The following CDK19 variants were observed in gnomAD, a reference collection of about 807,000 sequenced individuals.
CDK19 encodes the protein cyclin-dependent kinase 19.
A neutral mutation model predicts 68.3 loss-of-function variants in CDK19; 20 were observed. The observed-to-expected ratio is 0.29, with a 90% CI of 0.21 to 0.43. The LOEUF is 0.43. Among genes scored for constraint, CDK19 ranks in the 20% least tolerant of loss-of-function variants. The probability of loss-of-function intolerance (pLI) is 1.00; values close to 1 mark genes in which losing one functional copy is unlikely to be tolerated. For missense variants in CDK19, 339 were observed against 623.5 expected, an observed-to-expected ratio of 0.54 and a Z score of 4.86; for synonymous variants, 221 against 222.8, an observed-to-expected ratio of 0.99 and a Z score of 0.07.
At chr6:110,659,317 T>C (rs2114341452) in intron 4 of CDK19, among the ~76,000 whole-genome samples, 1 of 152,348 alleles carries the variant, frequency 6.6e-6, no homozygotes, top group South Asian at 2.1e-4. Context: ...GCATTTTTCT[T>C]ACAGCTGAGT....
chr6:110,788,359 T>G (rs1225409025), intron 1 of CDK19, among the ~76,000 whole-genome samples: 1 of 152,052 alleles, frequency 6.6e-6, no homozygotes, highest in Non-Finnish European at 1.5e-5. Flanking sequence ...GGTCCCATTA[T>G]GTTGCCTAGG....
At chr6:110,755,708 ATAGTTTTG>A (rs1182475449) in intron 1 of CDK19, among the ~76,000 whole-genome samples, 1 of 152,248 alleles carries the variant, frequency 6.6e-6, no homozygotes, top group Non-Finnish European at 1.5e-5. Context: ...CAGAATCAGC[ATAGTTTTG>A]TATGGTATGC....
intron 1 of CDK19, among the ~76,000 whole-genome samples, chr6:110,780,028 G>T (rs1780682193): frequency 6.6e-6 from 1 of 152,034 alleles, no homozygotes; most frequent in Admixed American, 6.6e-5. Context: ...GACCATCCTG[G>T]CCAACATGGC....
intron 1 of CDK19, among the ~76,000 whole-genome samples, chr6:110,809,737 T>C (rs1309789316): frequency 6.6e-6 from 1 of 152,238 alleles, no homozygotes; most frequent in Non-Finnish European, 1.5e-5. Flanking sequence ...CAGTGGAGCA[T>C]CTTTACCAAT....
intron 2 of CDK19, among the ~76,000 whole-genome samples, chr6:110,704,236 G>A (rs998845587): frequency 6.6e-6 from 1 of 152,202 alleles, no homozygotes; most frequent in Non-Finnish European, 1.5e-5. Flanking sequence ...TAAAGGACTA[G>A]TGGAGTATGA....
intron 1 of CDK19, among the ~76,000 whole-genome samples, chr6:110,757,981 A>G (rs1778946412): frequency 6.6e-6 from 1 of 152,130 alleles, no homozygotes; most frequent in Non-Finnish European, 1.5e-5. Flanking sequence ...GCTTGAGGCC[A>G]GGAGTTTTGA....
At chr6:110,722,988 A>G (rs1334897726) in intron 2 of CDK19, among the ~76,000 whole-genome samples, 2 of 152,160 alleles carry the variant, frequency 1.3e-5, no homozygotes, top group Non-Finnish European at 2.9e-5. Flanking sequence ...GATGGTCACA[A>G]CAGTATCTTT....
intron 1 of CDK19, chr6:110,814,698 A>G (rs1478815243): frequency 1.7e-6 from 1 of 571,464 alleles, no homozygotes; most frequent in South Asian, 1.5e-5. Flanking sequence ...TAGACCCCAC[A>G]AACTCCTCCT....
At chr6:110,734,738 G>C (rs959067234) in intron 2 of CDK19, among the ~76,000 whole-genome samples, 3 of 151,946 alleles carry the variant, frequency 2.0e-5, no homozygotes, top group Admixed American at 2.0e-4. Flanking sequence ...GCTTAACTTT[G>C]TCACAGTCTT....
chr6:110,695,726 C>T (rs1773419924), intron 2 of CDK19, among the ~76,000 whole-genome samples: 1 of 151,922 alleles, frequency 6.6e-6, no homozygotes, highest in South Asian at 2.1e-4. Context: ...CCTTTATGCG[C>T]ACAAAGTAGA....
At chr6:110,753,967 T>C (rs1778661310) in intron 1 of CDK19, among the ~76,000 whole-genome samples, 1 of 152,152 alleles carries the variant, frequency 6.6e-6, no homozygotes, top group African/African-American at 2.4e-5. Context: ...CAATGTTGCA[T>C]TGGTAAATAT....
At chr6:110,640,889 C>T (rs976255373) in intron 4 of CDK19, among the ~76,000 whole-genome samples, 5 of 151,926 alleles carry the variant, frequency 3.3e-5, no homozygotes, top group African/African-American at 9.7e-5. Flanking sequence ...CCCAGGAGGT[C>T]GAGGCTAGAG....
At chr6:110,796,632 T>C (rs1781956203) in intron 1 of CDK19, among the ~76,000 whole-genome samples, 2 of 150,860 alleles carry the variant, frequency 1.3e-5, no homozygotes, top group South Asian at 2.1e-4. Context: ...CTGAGCAATA[T>C]AGTGAGACCA....
intron 2 of CDK19, chr6:110,700,800 G>T: frequency 5.1e-6 from 1 of 197,422 alleles, no homozygotes; most frequent in South Asian, 1.0e-4. Flanking sequence ...ATCCAAAAGT[G>T]ACTCACTGAC....
intron 2 of CDK19, among the ~76,000 whole-genome samples, chr6:110,737,304 AAGTG>A (rs1335885451): frequency 6.6e-6 from 1 of 152,206 alleles, no homozygotes; most frequent in Non-Finnish European, 1.5e-5. Flanking sequence ...CTTCTCACAA[AAGTG>A]AGTAACACAA....
rs539091724 is a variant in CDK19 at position 110,776,146 on chromosome 6, T to C, written c.129-29945A>G. Among the ~76,000 whole-genome samples the C allele has an allele frequency of 6.6e-5, 10 of 152,122 alleles. No individual in the cohort carries two copies. In the South Asian group the frequency reaches 1.0e-3, roughly 16 times the overall value. On this transcript the variant is annotated intron_variant, in intron 1 of 12. Coordinates refer to ENST00000368911, the MANE Select transcript of CDK19 (RefSeq NM_015076.5). ...GCTGTTAACTAAGAACCAGAGAAAA[T>C]AGCCAGGCGCAGTGGCTCATGCCTG...
intron 1 of CDK19, among the ~76,000 whole-genome samples, chr6:110,806,993 TAAATAA>T (rs773397028): frequency 1.2e-3 from 178 of 145,788 alleles, no homozygotes; most frequent in Non-Finnish European, 1.8e-3. Flanking sequence ...ATAAATTAAA[TAAATAA>T]AAATAAAAAT....
intron 1 of CDK19, among the ~76,000 whole-genome samples, chr6:110,753,395 T>C (rs1342752948): frequency 6.6e-6 from 1 of 151,986 alleles, no homozygotes; most frequent in Non-Finnish European, 1.5e-5. Context: ...AATAATTTTT[T>C]ATTTTTTTTT....
At chr6:110,713,313 G>A (rs1184760295) in intron 2 of CDK19, among the ~76,000 whole-genome samples, 1 of 151,290 alleles carries the variant, frequency 6.6e-6, no homozygotes, top group Non-Finnish European at 1.5e-5. Context: ...TGGGTATGAT[G>A]TTGCATGCCT....
Sources: allele counts gnomAD v4.1 joint callset (sites outside exome capture counted in the v4.1 genomes callset), GRCh38; gene constraint gnomAD v4.1.1; transcripts MANE v1.5; gene names NCBI Gene and HGNC (gene_info 2026-07-23, HGNC 2026-07-21).